RBFOX1: variants seen among roughly 807,000 people sequenced by gnomAD.
RBFOX1 encodes RNA binding fox-1 homolog 1.
In RBFOX1, 8 loss-of-function variants were observed where a neutral mutation model predicts 57.7. That is an observed-to-expected ratio of 0.14 (90% CI 0.08 to 0.25). The LOEUF (loss-of-function observed/expected upper bound fraction) is 0.25. Among genes scored for constraint, RBFOX1 ranks in the 10% least tolerant of loss-of-function variants. The pLI, the probability that RBFOX1 is intolerant of heterozygous loss-of-function variation, is 1.00. For missense variants in RBFOX1, 611 were observed against 548.5 expected, an observed-to-expected ratio of 1.11 and a Z score of -1.14; for synonymous variants, 326 against 222.4, an observed-to-expected ratio of 1.47 and a Z score of -4.15.
intron 14 of RBFOX1, among the ~76,000 whole-genome samples, chr16:7,705,041 C>T (rs1380737513): frequency 8.4e-5 from 5 of 59,860 alleles, no homozygotes; most frequent in East Asian, 5.5e-4. Context: ...AAGACTCTGT[C>T]TCAAAAGAAA....
intron 4 of RBFOX1, among the ~76,000 whole-genome samples, chr16:7,265,649 A>T (rs1324538944): frequency 3.9e-5 from 6 of 152,050 alleles, no homozygotes; most frequent in Non-Finnish European, 8.8e-5. Flanking sequence ...AGTCTTCGCC[A>T]TATTGGCCAG....
rs978114993 is a variant in RBFOX1, at chr16:5,633,255, G to T, written c.318+34294G>T. On this transcript the variant is annotated intron_variant, in intron 3 of 19. Transcript: ENST00000641259. ...CCCAGCCAACAACTCTTTTACATCA[G>T]TGCAAGTTGGAACATTTTGAAGCTC... Among the ~76,000 whole-genome samples the T allele has an allele frequency of 2.8e-4, 42 of 152,124 alleles. 1 individual carries two copies. The highest frequency in any genetic ancestry group is 1.4e-3 in the Admixed American group (22 of 15,274).
chr16:6,683,815 G>A (rs1020887801), intron 3 of RBFOX1, among the ~76,000 whole-genome samples: 3 of 152,168 alleles, frequency 2.0e-5, no homozygotes, highest in Non-Finnish European at 2.9e-5. Context: ...CAGTTAACAG[G>A]AAGTTGACTC....
chr16:7,405,752 G>A (rs1235972242), intron 4 of RBFOX1, among the ~76,000 whole-genome samples: 1 of 152,064 alleles, frequency 6.6e-6, no homozygotes, highest in Admixed American at 6.5e-5. Flanking sequence ...GACACAGAGG[G>A]GGTTCTCAGT....
chr16:6,159,510 A>G (rs2092462237), intron 1 of RBFOX1, among the ~76,000 whole-genome samples: 1 of 152,214 alleles, frequency 6.6e-6, no homozygotes, highest in South Asian at 2.1e-4. Context: ...GCTTGAAGGC[A>G]GAAGCCATCC....
intron 3 of RBFOX1, among the ~76,000 whole-genome samples, chr16:6,816,726 C>G (rs1163127995): frequency 3.2e-5 from 3 of 93,652 alleles, no homozygotes; most frequent in African/African-American, 7.6e-5. Context: ...GGTGACAGAG[C>G]AAGACTGTCT....
chr16:7,561,990 A>G (rs1440779736), intron 5 of RBFOX1, among the ~76,000 whole-genome samples: 5 of 152,228 alleles, frequency 3.3e-5, no homozygotes, highest in African/African-American at 1.2e-4. Flanking sequence ...AGGTAATTAA[A>G]GAAAACCAGG....
intron 4 of RBFOX1, among the ~76,000 whole-genome samples, chr16:7,422,012 C>T (rs373385457): frequency 6.6e-6 from 1 of 152,088 alleles, no homozygotes; most frequent in African/African-American, 2.4e-5. Context: ...CCCTCAGAGG[C>T]TCTGAGTGAT....
intron 4 of RBFOX1, among the ~76,000 whole-genome samples, chr16:7,156,974 C>G (rs764593271): frequency 2.0e-5 from 3 of 152,214 alleles, no homozygotes; most frequent in Admixed American, 6.5e-5. Flanking sequence ...TAAAAAAACA[C>G]TTCCCTTATA....
chr16:7,266,365 T>A (rs953561025), intron 4 of RBFOX1, among the ~76,000 whole-genome samples: 1 of 152,192 alleles, frequency 6.6e-6, no homozygotes, highest in Non-Finnish European at 1.5e-5. Flanking sequence ...GCTTCTGCTC[T>A]TTCCTCACTT....
rs149006433 is a variant in RBFOX1, at chr16:6,285,416, G to A, written c.-126-31579G>A. On this transcript the variant is annotated intron_variant, in intron 1 of 15. Transcript: ENST00000550418. ...TAGCAATGAGTGCAGTCTTCATGCT[G>A]ACAGGAGTATTTCTAAGTTTATGGG... Among the ~76,000 whole-genome samples the A allele has an allele frequency of 7.9e-5, 12 of 152,276 alleles. No individual in the cohort carries two copies. In the East Asian group the frequency reaches 2.1e-3, roughly 27 times the overall value.
intron 3 of RBFOX1, among the ~76,000 whole-genome samples, chr16:5,687,025 T>A (rs2050524952): frequency 6.6e-6 from 1 of 152,202 alleles, no homozygotes; most frequent in Admixed American, 6.5e-5. Context: ...TGCGTTGGGA[T>A]CTATTGCAAG....
chr16:7,139,174 C>CTG (rs1276311817), intron 4 of RBFOX1, among the ~76,000 whole-genome samples: 27 of 22,780 alleles, frequency 1.2e-3, no homozygotes, highest in African/African-American at 2.1e-3. Flanking sequence ...ATCAATCTCT[C>CTG]TCTGTGTGTG....
chr16:7,659,809 T>C (rs1011954472), intron 12 of RBFOX1, among the ~76,000 whole-genome samples: 1 of 152,066 alleles, frequency 6.6e-6, no homozygotes, highest in Non-Finnish European at 1.5e-5. Flanking sequence ...TAGACAAACA[T>C]GATGAATAAG....
intron 3 of RBFOX1, among the ~76,000 whole-genome samples, chr16:7,012,442 C>G (rs1394158176): frequency 1.3e-5 from 2 of 152,136 alleles, no homozygotes; most frequent in Non-Finnish European, 2.9e-5. Flanking sequence ...AAGGAGCCTT[C>G]AATCATAGAT....
intron 3 of RBFOX1, among the ~76,000 whole-genome samples, chr16:6,955,788 C>A (rs1430012229): frequency 6.6e-6 from 1 of 152,080 alleles, no homozygotes; most frequent in Non-Finnish European, 1.5e-5. Flanking sequence ...TCACTGCAAC[C>A]TCCATTTCCC....
At position 6,906,065 on chromosome 16, in the gene RBFOX1, C is replaced by T. The variant is rs928011754; in HGVS notation, c.-15-145992C>T. Among the ~76,000 whole-genome samples, 7 of 152,144 alleles carry T rather than the reference C, an allele frequency of 4.6e-5. No homozygotes were observed. The South Asian group carries it at 6.2e-4, about 14-fold the overall frequency. ...GAATCAGGAACAGTGAGCTCATCTCCACCTGATACTTTGTCTTCGATGGAA... is the reference window on the plus strand; with the variant it reads ...GAATCAGGAACAGTGAGCTCATCTCTACCTGATACTTTGTCTTCGATGGAA... On this transcript the variant is annotated intron_variant, in intron 3 of 15. Coordinates refer to ENST00000550418, the MANE Select transcript of RBFOX1 (RefSeq NM_018723.4).
At chr16:5,837,862 C>T (rs192398330) in intron 3 of RBFOX1, among the ~76,000 whole-genome samples, 1 of 152,090 alleles carries the variant, frequency 6.6e-6, no homozygotes, top group Non-Finnish European at 1.5e-5. Flanking sequence ...AGTCTGTTCT[C>T]AATAAATCCT....
At chr16:5,686,524 C>G (rs1228596895) in intron 3 of RBFOX1, among the ~76,000 whole-genome samples, 1 of 152,008 alleles carries the variant, frequency 6.6e-6, no homozygotes, top group Admixed American at 6.6e-5. Flanking sequence ...ATTCAGGTGG[C>G]CACTGAGGGA....
Sources: gnomAD v4.1 joint callset for allele counts (sites outside exome capture counted in the v4.1 genomes callset) on GRCh38, gnomAD v4.1.1 for gene constraint, MANE v1.5 for transcripts, NCBI Gene and HGNC (gene_info 2026-07-23, HGNC 2026-07-21) for gene names.